BLTP1: variants seen among roughly 807,000 people sequenced by gnomAD.
BLTP1 encodes fragile site-associated protein.
the BLTP1 span, chr4:122,271,121 C>G: frequency 1.2e-6 from 2 of 1,613,802 alleles, no homozygotes; most frequent in African/African-American, 2.7e-5. Context: ...GTGCACCCCT[C>G]AGAACTCTAC....
the BLTP1 span, among the ~76,000 whole-genome samples, chr4:122,219,824 C>T: frequency 6.6e-6 from 1 of 152,244 alleles, no homozygotes; most frequent in Admixed American, 6.5e-5. Context: ...GACATCGTGT[C>T]ATACATTGAG....
chr4:122,192,142 C>CA, the BLTP1 span: 1 of 1,454,632 alleles, frequency 6.9e-7, no homozygotes, highest in Non-Finnish European at 9.2e-7. Context: ...TTCCTGAGAC[C>CA]AAAAAATGTT....
At chr4:122,167,215 A>G in the BLTP1 span, among the ~76,000 whole-genome samples, 1 of 152,106 alleles carries the variant, frequency 6.6e-6, no homozygotes, top group African/African-American at 2.4e-5. Flanking sequence ...ATTTATATTG[A>G]AAACCATAGC....
the BLTP1 span, chr4:122,235,576 TG>T: frequency 2.0e-6 from 1 of 493,408 alleles, no homozygotes; most frequent in African/African-American, 2.1e-5. Flanking sequence ...GAGGCCAAGG[TG>T]GGCGGATCAC....
the BLTP1 span, among the ~76,000 whole-genome samples, chr4:122,332,899 C>T: frequency 2.2e-5 from 2 of 89,150 alleles, no homozygotes; most frequent in Admixed American, 1.5e-4. Context: ...TTTGTTCTTG[C>T]GATAGTTTAC....
the BLTP1 span, chr4:122,207,380 T>A: frequency 5.8e-6 from 8 of 1,380,224 alleles, no homozygotes; most frequent in Non-Finnish European, 6.8e-6. Flanking sequence ...TTTCCCCCCA[T>A]TATCTTTGTG....
chr4:122,282,106 T>C, the BLTP1 span: 2 of 979,806 alleles, frequency 2.0e-6, no homozygotes, highest in Middle Eastern at 5.3e-4. Context: ...TATTTTCACA[T>C]TGGGTTCATT....
chr4:122,319,635 G>A, the BLTP1 span, among the ~76,000 whole-genome samples: 7,011 of 150,418 alleles, frequency 0.047, 201 homozygotes, highest in Non-Finnish European at 0.063. Context: ...ACCACCTCCC[G>A]GGTTCAAGCA....
the BLTP1 span, chr4:122,235,510 T>A: frequency 1.0e-6 from 1 of 979,910 alleles, no homozygotes; most frequent in South Asian, 4.7e-5. Flanking sequence ...TCTTAGAATC[T>A]TTAGCATAAC....
chr4:122,265,498 A>T, the BLTP1 span, among the ~76,000 whole-genome samples: 1 of 152,180 alleles, frequency 6.6e-6, no homozygotes, highest in African/African-American at 2.4e-5. Context: ...GAAGCTAATG[A>T]TCAAAAATAA....
At chr4:122,240,466 A>G in the BLTP1 span, 5 of 833,480 alleles carry the variant, frequency 6.0e-6, no homozygotes, top group Admixed American at 2.8e-5. Flanking sequence ...TGAGAGAGAG[A>G]CTTTCTGAAG....
the BLTP1 span, chr4:122,274,775 C>T: frequency 8.8e-6 from 2 of 228,396 alleles, no homozygotes; most frequent in African/African-American, 4.7e-5. Context: ...TCCTGTAACA[C>T]ATCCAACATG....
the BLTP1 span, among the ~76,000 whole-genome samples, chr4:122,277,994 T>C: frequency 6.6e-6 from 1 of 152,130 alleles, no homozygotes; most frequent in Non-Finnish European, 1.5e-5. Flanking sequence ...TTTTCTTCTA[T>C]AGATTCTTCC....
the BLTP1 span, chr4:122,353,938 G>A: frequency 1.9e-6 from 3 of 1,613,758 alleles, no homozygotes; most frequent in Non-Finnish European, 1.7e-6. This position sits in a 1 kb window ranked among gnomAD's most constrained non-coding sequence, Gnocchi z 4.3. Flanking sequence ...AGATAACAAG[G>A]CGTCGCCATG....
chr4:122,188,226 A>G, the BLTP1 span: 1 of 1,063,322 alleles, frequency 9.4e-7, no homozygotes, highest in Non-Finnish European at 1.2e-6. Flanking sequence ...GCAGTTAACA[A>G]TGTAGTCCTT....
chr4:122,173,099 T>G, the BLTP1 span: 1 of 1,610,754 alleles, frequency 6.2e-7, no homozygotes, highest in Non-Finnish European at 8.5e-7. Context: ...AATGTTGGTC[T>G]TATTTTAACA....
chr4:122,201,088 C>T, the BLTP1 span: 1 of 1,613,544 alleles, frequency 6.2e-7, no homozygotes, highest in East Asian at 2.2e-5. Flanking sequence ...TATAAAGCCA[C>T]TTACCACTTC....
At chr4:122,180,979 A>G in the BLTP1 span, among the ~76,000 whole-genome samples, 1 of 152,244 alleles carries the variant, frequency 6.6e-6, no homozygotes, top group Non-Finnish European at 1.5e-5. Flanking sequence ...TTGGTATAAG[A>G]ATTTCTTGTG....
At chr4:122,189,482 T>C in the BLTP1 span, 1 of 924,920 alleles carries the variant, frequency 1.1e-6, no homozygotes, top group Admixed American at 6.2e-5. Flanking sequence ...AATAAGAAGA[T>C]AAAAATGATA....
Sources: allele counts gnomAD v4.1 joint callset (sites outside exome capture counted in the v4.1 genomes callset), GRCh38; gene constraint gnomAD v4.1.1; non-coding constraint Gnocchi (gnomAD v3.1); transcripts MANE v1.5; gene names NCBI Gene and HGNC (gene_info 2026-07-23, HGNC 2026-07-21).